NOL10: variants seen among roughly 807,000 people sequenced by gnomAD.
The protein encoded by NOL10 is nucleolar protein 10.
In NOL10, 58 loss-of-function variants were observed where a neutral mutation model predicts 103.5. The observed-to-expected ratio is 0.56, with a 90% confidence interval of 0.45 to 0.70. The LOEUF is 0.70. Among genes scored for constraint, NOL10 ranks in the 30% least tolerant of loss-of-function variants. The probability of loss-of-function intolerance (pLI) is 0.00; values close to 1 mark genes in which losing one functional copy is unlikely to be tolerated. For missense variants in NOL10, 763 were observed against 807.3 expected (o/e 0.95, Z 0.67); for synonymous variants, 287 against 282.5 (o/e 1.02, Z -0.16).
intron 1 of NOL10, among the ~76,000 whole-genome samples, chr2:10,687,822 A>G (rs531861410): frequency 6.6e-6 from 1 of 152,280 alleles, no homozygotes; most frequent in Non-Finnish European, 1.5e-5. Context: ...GTGTGGTGGC[A>G]CGTGCCTGTA....
chr2:10,628,869 C>G (rs1483607292), intron 13 of NOL10, among the ~76,000 whole-genome samples: 1 of 152,166 alleles, frequency 6.6e-6, no homozygotes, highest in African/African-American at 2.4e-5. Context: ...CTCAATTCTC[C>G]CAACAACGAT....
intron 1 of NOL10, among the ~76,000 whole-genome samples, chr2:10,685,792 G>T (rs72777345): frequency 1.4e-4 from 21 of 152,026 alleles, no homozygotes; most frequent in Non-Finnish European, 2.9e-4. Context: ...AAGCCCTCTT[G>T]GCCAAGTGCA....
chr2:10,595,117 A>G (rs1464432425), intron 17 of NOL10, among the ~76,000 whole-genome samples: 3 of 123,128 alleles, frequency 2.4e-5, no homozygotes, highest in Non-Finnish European at 3.6e-5. Context: ...GTAGGACTAC[A>G]GGCAAGAGGG....
chr2:10,587,779 A>G (rs578154910), intron 19 of NOL10, among the ~76,000 whole-genome samples: 21 of 152,300 alleles, frequency 1.4e-4, no homozygotes, highest in Admixed American at 1.2e-3. Flanking sequence ...ATAAAGATGA[A>G]TAAAACATAT....
Position 10,689,915 on chromosome 2 carries a change from G to C in NOL10, c.-54C>G. On this transcript the variant is annotated 5_prime_UTR_variant, in exon 1 of 21. Coordinates refer to ENST00000381685, the MANE Select transcript of NOL10 (RefSeq NM_024894.4). ...GGTCCTTTCCCACCAGCGTGCTCGA[G>C]CACCGTAATCCCGGGACCTCCGAGC... 1.3e-6 allele frequency: 2 copies of C among 1,532,974 alleles called. No homozygotes were observed. Among genetic ancestry groups the C allele is most frequent in the Non-Finnish European group, 1.8e-6 (2 of 1,126,148 alleles). The allele number at this position is 1,532,974 out of a possible 1,614,324, so 95.0% of individuals were successfully genotyped here.
At chr2:10,658,187 T>C (rs1461872283) in intron 10 of NOL10, among the ~76,000 whole-genome samples, 1 of 152,212 alleles carries the variant, frequency 6.6e-6, no homozygotes, top group Non-Finnish European at 1.5e-5. Flanking sequence ...AAATATATAC[T>C]GAGGGCCTAT....
chr2:10,617,806 A>G (rs1237196068), intron 13 of NOL10, among the ~76,000 whole-genome samples: 7 of 152,252 alleles, frequency 4.6e-5, no homozygotes, highest in Non-Finnish European at 8.8e-5. Flanking sequence ...GTACTGAGAC[A>G]TGGTACAACA....
At chr2:10,655,970 A>G (rs186263814) in intron 11 of NOL10, among the ~76,000 whole-genome samples, 97 of 152,344 alleles carry the variant, frequency 6.4e-4, no homozygotes, top group African/African-American at 2.2e-3. Context: ...AAGAGGGGAA[A>G]CCAGGAAGCA....
chr2:10,580,709 T>A (rs1674702339), intron 19 of NOL10, among the ~76,000 whole-genome samples: 1 of 152,044 alleles, frequency 6.6e-6, no homozygotes, highest in Admixed American at 6.6e-5. Flanking sequence ...GGAGGCTAAT[T>A]TACTTTGGGG....
rs148136501 is a variant in NOL10, at chr2:10,648,143, G to A, written c.974-3771C>T. 1.3e-4 allele frequency among the ~76,000 whole-genome samples: 20 copies of A among 152,326 alleles called. No individual in the cohort carries two copies. In the East Asian group the frequency reaches 2.7e-3, roughly 21 times the overall value. ...TGATGAGCCATAGGAGCAGGGCCCTGAACAAGGCAGGAAGGCAGAACCATT... is the reference window on the plus strand; with the variant it reads ...TGATGAGCCATAGGAGCAGGGCCCTAAACAAGGCAGGAAGGCAGAACCATT... On this transcript the variant is annotated intron_variant, in intron 12 of 20. Transcript: ENST00000381685.
intron 13 of NOL10, among the ~76,000 whole-genome samples, chr2:10,621,038 C>T (rs1558296064): frequency 1.3e-5 from 2 of 152,162 alleles, no homozygotes; most frequent in African/African-American, 4.8e-5. Flanking sequence ...AAAAGATCCA[C>T]CTGCCTCGGC....
rs1245803260 is a variant in NOL10 at position 10,589,146 on chromosome 2, T to C, written c.1741A>G (p.Lys581Glu). 6.2e-7 allele frequency: 1 copy of C among 1,614,012 alleles called. No homozygotes were observed. Among genetic ancestry groups the C allele is most frequent in the South Asian group, 1.1e-5 (1 of 91,090 alleles). Residue 581 changes from lysine (K) to glutamate (E), a missense_variant, in exon 19 of 21, where the codon AAG becomes GAG. Physicochemically the swap from Lys to Glu is moderately conservative, Grantham distance 56. Coordinates refer to ENST00000381685, the MANE Select transcript of NOL10 (RefSeq NM_024894.4). ...TTTAGGACTGTCTGCTGGTCCTCCT[T>C]GAGTCGTTCCTGCCGCTTCACTTTT... ...EEKVKRQERLKEDQQTVLKPQ... is the reference protein window; with the variant it reads ...EEKVKRQERLEEDQQTVLKPQ...
intron 3 of NOL10, among the ~76,000 whole-genome samples, chr2:10,680,984 T>A (rs1016911166): frequency 6.6e-6 from 1 of 152,200 alleles, no homozygotes; most frequent in Non-Finnish European, 1.5e-5. Context: ...TAAGTGACCT[T>A]TCCTAAAACT....
intron 13 of NOL10, among the ~76,000 whole-genome samples, chr2:10,631,780 C>T (rs1360954761): frequency 6.6e-6 from 1 of 151,692 alleles, no homozygotes; most frequent in Non-Finnish European, 1.5e-5. Context: ...AATGGCACGA[C>T]CTCAGCTCAC....
At chr2:10,667,164 T>C in intron 8 of NOL10, 54 bp downstream of exon 8, 1 of 1,336,684 alleles carries the variant, frequency 7.5e-7, no homozygotes, top group Non-Finnish European at 1.0e-6. Flanking sequence ...TAAATAAAAA[T>C]TCCAATCAAA....
chr2:10,572,240 C>T lies in NOL10; in HGVS notation c.1948-50G>A, dbSNP rs900237809. The T allele has an allele frequency of 4.9e-5, 79 of 1,602,194 alleles. 1 individual carries two copies. The East Asian group carries it at 1.7e-3, about 35-fold the overall frequency. ...GAGGGAAAGAGAGAAAATTCTATAC[C>T]TCTTTTCTGGTAACCGTCAGGCTGC... On this transcript the variant is annotated intron_variant, in intron 20 of 20. Transcript: ENST00000381685.
intron 19 of NOL10, among the ~76,000 whole-genome samples, chr2:10,579,859 T>G (rs943867265): frequency 1.3e-5 from 2 of 152,186 alleles, no homozygotes; most frequent in Non-Finnish European, 2.9e-5. Flanking sequence ...AACACTAATT[T>G]AGGAAGAAAA....
At chr2:10,622,999 A>G (rs1205057799) in intron 13 of NOL10, among the ~76,000 whole-genome samples, 1 of 151,546 alleles carries the variant, frequency 6.6e-6, no homozygotes, top group Non-Finnish European at 1.5e-5. Context: ...CTATGAGCAC[A>G]CTCCTTACTG....
intron 19 of NOL10, among the ~76,000 whole-genome samples, chr2:10,583,573 T>C (rs969248913): frequency 2.6e-5 from 4 of 152,226 alleles, no homozygotes; most frequent in African/African-American, 9.6e-5. Context: ...TAAACCTATT[T>C]TGCATTCTGT....
Sources: allele counts gnomAD v4.1 joint callset (sites outside exome capture counted in the v4.1 genomes callset), GRCh38; gene constraint gnomAD v4.1.1; transcripts MANE v1.5; gene names NCBI Gene and HGNC (gene_info 2026-07-23, HGNC 2026-07-21).